Variants in CMYA5 observed in about 807,000 individuals in gnomAD.
CMYA5 encodes cardiomyopathy associated 5.
Under a neutral mutation model 318.9 loss-of-function variants are expected in CMYA5, and 246 were observed. That is an observed-to-expected ratio of 0.77 (90% confidence interval 0.70 to 0.86). CMYA5 has a LOEUF of 0.86. Ranked by LOEUF, CMYA5 falls within the 40% of genes least tolerant of loss-of-function variation. The pLI, the probability that CMYA5 is intolerant of heterozygous loss-of-function variation, is 0.00. For missense variants in CMYA5, 4,589 were observed against 4,678.2 expected, an observed-to-expected ratio of 0.98 and a Z score of 0.56; for synonymous variants, 1,641 against 1,729.5, an observed-to-expected ratio of 0.95 and a Z score of 1.27.
At chr5:79,791,464 T>G (rs1829178066) in intron 11 of CMYA5, among the ~76,000 whole-genome samples, 1 of 152,140 alleles carries the variant, frequency 6.6e-6, no homozygotes, top group Non-Finnish European at 1.5e-5. Flanking sequence ...CTCACTCCTG[T>G]AATCCCAGCA....
Position 79,789,002 on chromosome 5 carries a change from A to C in CMYA5, c.11587A>C (p.Lys3863Gln). 1.9e-6 allele frequency: 3 copies of C among 1,613,848 alleles called. No homozygotes were observed. The highest frequency in any genetic ancestry group is 1.6e-4 in the Middle Eastern group (1 of 6,062). ...SFSGIKGLQL[K>Q]VNLQPNDNYF... is the part of the protein sequence containing the mutation. ...CTCTGGAATCAAAGGACTCCAGCTG[A>C]AAGTTAACCTCCAACCCAATGATAA... is the stretch of plus-strand genomic sequence containing the variant. Residue 3863 changes from lysine to glutamine, a missense_variant, in exon 10 of 13, where the codon AAA (lysine) becomes CAA (glutamine). This residue lies in a region of CMYA5 where 2,431 missense variants were observed against 2,495.1 expected (regional missense o/e 0.97). Coordinates refer to ENST00000446378, the MANE Select transcript of CMYA5 (RefSeq NM_153610.5).
Position 79,732,080 on chromosome 5 carries a change from A to T in CMYA5, c.3315A>T (p.Glu1105Asp). 6.2e-7 allele frequency: 1 copy of T among 1,613,990 alleles called. No homozygotes were observed. The highest frequency in any genetic ancestry group is 8.5e-7 in the Non-Finnish European group (1 of 1,179,872). ...CAACAACCTCAACATCTGTATCTGA[A>T]TATCTCATTTTGGCACAGAAGCAGA... Reference protein sequence around the residue: ...EIPTTSTSVSEYLILAQKQKT... With the variant: ...EIPTTSTSVSDYLILAQKQKT... The change falls in exon 2 of 13, where the codon GAA becomes GAT. Residue 1105 changes from glutamate to aspartate, a missense_variant. Transcript: ENST00000446378.
intron 6 of CMYA5, among the ~76,000 whole-genome samples, chr5:79,753,954 C>T (rs1393429462): frequency 6.6e-6 from 1 of 152,178 alleles, no homozygotes; most frequent in Non-Finnish European, 1.5e-5. Flanking sequence ...TCATTATATG[C>T]CACTGTTCAT....
At chr5:79,693,613 G>T (rs1827013332) in intron 1 of CMYA5, among the ~76,000 whole-genome samples, 1 of 152,132 alleles carries the variant, frequency 6.6e-6, no homozygotes, top group African/African-American at 2.4e-5. Context: ...AAAATCCTGG[G>T]ATTATAGGCA....
chr5:79,775,895 C>A (rs887510382), intron 9 of CMYA5, among the ~76,000 whole-genome samples: 5 of 152,164 alleles, frequency 3.3e-5, no homozygotes, highest in African/African-American at 1.2e-4. Flanking sequence ...ATGAATGTTA[C>A]TAAGCTCCTG....
chr5:79,731,687 T>G lies in CMYA5; in HGVS notation c.2922T>G (p.Ser974=). ...AGAAAAGAGAATTTGAGTGCGATTC[T>G]CCAATATGTTTAACATCACCATCTG... ...EAEKREFECD[S]PICLTSPSEH... Residue 974 remains serine (S), a synonymous_variant, in exon 2 of 13, where the codon TCT becomes TCG. Transcript: ENST00000446378. 6.2e-7 allele frequency: 1 copy of G among 1,613,958 alleles called. No homozygotes were observed. The highest frequency in any genetic ancestry group is 8.5e-7 in the Non-Finnish European group (1 of 1,179,876).
Position 79,718,163 on chromosome 5 carries a change from A to G in CMYA5, c.150-10752A>G, listed in dbSNP as rs1561200513. 6.3e-5 allele frequency among the ~76,000 whole-genome samples: 3 copies of G among 47,766 alleles called. 1 individual carries two copies. The highest frequency in any genetic ancestry group is 1.1e-4 in the Non-Finnish European group (3 of 26,838). 31.3% of individuals were successfully genotyped at this position (47,766 alleles called of 152,430 possible). On this transcript the variant is annotated intron_variant, in intron 1 of 12. Coordinates refer to ENST00000446378, the MANE Select transcript of CMYA5 (RefSeq NM_153610.5). ...CGGCCTCCCAAAGTGCTGGGATTAC[A>G]GGTGTGAGCCACCGCACCCGGCCAG...
rs572599993 is a variant in CMYA5 at position 79,730,427 on chromosome 5, A to G, written c.1662A>G (p.Glu554=). The G allele has an allele frequency of 3.1e-6, 5 of 1,613,890 alleles. No homozygotes were observed. In the Admixed American group the frequency reaches 6.7e-5, roughly 22 times the overall value. ...EKPFPPHMSP[E]VEHKEEELIL... ...CCTTCCCACCACATATGTCCCCTGA[A>G]GTGGAGCACAAAGAAGAAGAGCTTA... Residue 554 remains glutamate (E), a synonymous_variant, in exon 2 of 13, where the codon GAA becomes GAG. Coordinates refer to ENST00000446378, the MANE Select transcript of CMYA5 (RefSeq NM_153610.5).
rs1298329659 is a variant in CMYA5 at position 79,734,083 on chromosome 5, C to T, written c.5318C>T (p.Pro1773Leu). The T allele has an allele frequency of 1.2e-6, 2 of 1,613,772 alleles. No homozygotes were observed. The highest frequency in any genetic ancestry group is 1.1e-5 in the South Asian group (1 of 91,060). ...KGGNQEIGPL[P>L]PTGNLKAQVM... ...GGAAATCAAGAAATAGGCCCATTAC[C>T]ACCAACTGGAAATTTGAAGGCACAA... The change falls in exon 2 of 13, where the codon CCA becomes CTA. Residue 1773 changes from proline (P) to leucine (L), a missense_variant. By Grantham distance (98) the Pro-to-Leu change is moderately conservative. Around this residue, in one of 3 missense-constraint regions of CMYA5, gnomAD observed 2,132 missense variants for 2,131.3 expected, o/e 1.00. Coordinates refer to ENST00000446378, the MANE Select transcript of CMYA5 (RefSeq NM_153610.5).
At chr5:79,763,985 G>T (rs1828703320) in intron 9 of CMYA5, among the ~76,000 whole-genome samples, 2 of 151,788 alleles carry the variant, frequency 1.3e-5, no homozygotes, top group Admixed American at 1.3e-4. Context: ...TAGGAATAAT[G>T]GTATGAAACT....
rs750242276 is a variant in CMYA5 at position 79,733,337 on chromosome 5, G to C, written c.4572G>C (p.Glu1524Asp). The C allele has an allele frequency of 6.2e-7, 1 of 1,613,570 alleles. No homozygotes were observed. The highest frequency in any genetic ancestry group is 1.7e-5 in the Admixed American group (1 of 60,010). Reference protein sequence around the residue: ...KSLMSTSEVLEPEHELPLSLW... With the variant: ...KSLMSTSEVLDPEHELPLSLW... ...TGATGTCTACCTCAGAGGTGTTAGA[G>C]CCTGAACATGAGCTTCCACTCAGCC... Residue 1524 changes from glutamate (E) to aspartate (D), a missense_variant, in exon 2 of 13, where the codon GAG (glutamate) becomes GAC (aspartate). Glu to Asp is a conservative substitution (Grantham distance 45). This residue lies in a region of CMYA5 where 2,132 missense variants were observed against 2,131.3 expected (regional missense o/e 1.00). Coordinates refer to ENST00000446378, the MANE Select transcript of CMYA5 (RefSeq NM_153610.5).
At position 79,738,878 on chromosome 5, in the gene CMYA5, G is replaced by C; in HGVS notation, c.10113G>C (p.Leu3371=). Residue 3371 remains leucine (L), a synonymous_variant, in exon 2 of 13, where the codon CTG becomes CTC. Coordinates refer to ENST00000446378, the MANE Select transcript of CMYA5 (RefSeq NM_153610.5). ...GAAATGCAAGTCCAGAGGTCAATCT[G>C]AATGTCCCAGTACAAGTGTCCTTCC... ...EVGNASPEVN[L]NVPVQVSFPE... 1 of 1,613,846 alleles carries C rather than the reference G, an allele frequency of 6.2e-7. No homozygotes were observed. Among genetic ancestry groups the C allele is most frequent in the Non-Finnish European group, 8.5e-7 (1 of 1,179,854 alleles).
intron 9 of CMYA5, among the ~76,000 whole-genome samples, chr5:79,765,077 G>C (rs1828725237): frequency 6.6e-6 from 1 of 152,144 alleles, no homozygotes; most frequent in Non-Finnish European, 1.5e-5. Context: ...CCTATGTCCT[G>C]AATGGTATTG....
intron 9 of CMYA5, among the ~76,000 whole-genome samples, chr5:79,772,084 C>T (rs72768888): frequency 9.2e-4 from 140 of 151,790 alleles, no homozygotes; most frequent in Non-Finnish European, 1.3e-3. Context: ...AAATCCTTTG[C>T]GAAAGCCAGA....
chr5:79,695,332 A>C (rs1827046891), intron 1 of CMYA5, among the ~76,000 whole-genome samples: 1 of 152,206 alleles, frequency 6.6e-6, no homozygotes, highest in African/African-American at 2.4e-5. Flanking sequence ...AAAAAGCAGA[A>C]AGAAACAAGT....
chr5:79,738,065 T>G lies in CMYA5; in HGVS notation c.9300T>G (p.Ser3100Arg). The G allele has an allele frequency of 6.2e-7, 1 of 1,613,324 alleles. No individual in the cohort carries two copies. Among genetic ancestry groups the G allele is most frequent in the Non-Finnish European group, 8.5e-7 (1 of 1,179,732 alleles). Residue 3100 changes from serine (S) to arginine (R), a missense_variant, in exon 2 of 13, where the codon AGT becomes AGG. By Grantham distance (110) the Ser-to-Arg change is moderately radical. Transcript: ENST00000446378. Reference protein sequence around the residue: ...TISFPVSSVESALEHEYDLVK... With the variant: ...TISFPVSSVERALEHEYDLVK... ...CTTTCCCAGTAAGTTCAGTGGAAAG[T>G]GCACTAGAACATGAATATGACTTGG...
intron 1 of CMYA5, among the ~76,000 whole-genome samples, chr5:79,713,315 C>T (rs891279127): frequency 7.6e-5 from 10 of 130,836 alleles, no homozygotes; most frequent in Non-Finnish European, 8.0e-5. Context: ...CCCCCACCCG[C>T]CGTCACAAAG....
chr5:79,703,501 A>G (rs1240743264), intron 1 of CMYA5, among the ~76,000 whole-genome samples: 1 of 152,160 alleles, frequency 6.6e-6, no homozygotes, highest in African/African-American at 2.4e-5. Context: ...ACTGTTTGCT[A>G]TTATCAGGAA....
Position 79,743,852 on chromosome 5 carries a change from A to T in CMYA5, c.10664A>T (p.Asn3555Ile). 1 of 1,544,632 alleles carries T rather than the reference A, an allele frequency of 6.5e-7. No individual in the cohort carries two copies. Among genetic ancestry groups the T allele is most frequent in the Non-Finnish European group, 8.8e-7 (1 of 1,141,120 alleles). ...GTTCAATTAGCAGAATTTCTAGAAA[A>T]TTTACAAGAAAAGTCCTTGAGGATT... ...VKVQLAEFLE[N>I]LQEKSLRIEA... The change falls in exon 3 of 13, where the codon AAT (asparagine) becomes ATT (isoleucine). Residue 3555 changes from asparagine to isoleucine, a missense_variant. Around this residue, in one of 3 missense-constraint regions of CMYA5, gnomAD observed 2,431 missense variants for 2,495.1 expected, o/e 0.97. Transcript: ENST00000446378.
Sources: gnomAD v4.1 joint callset for allele counts (sites outside exome capture counted in the v4.1 genomes callset) on GRCh38, gnomAD v4.1.1 for gene constraint, gnomAD v4.1.1 regional missense constraint, MANE v1.5 for transcripts, NCBI Gene and HGNC (gene_info 2026-07-23, HGNC 2026-07-21) for gene names.